The following SPATA6 variants were observed in gnomAD, a reference collection of about 807,000 sequenced individuals.
SPATA6 encodes the protein spermatogenesis associated 6.
In SPATA6, 56 loss-of-function variants were observed where a neutral mutation model predicts 65.3. The observed-to-expected ratio is 0.86, with a 90% CI of 0.69 to 1.07. The LOEUF (loss-of-function observed/expected upper bound fraction) is 1.07. Ranked by LOEUF, SPATA6 falls within the 50% of genes least tolerant of loss-of-function variation. The probability of loss-of-function intolerance (pLI) is 0.00; values close to 1 mark genes in which losing one functional copy is unlikely to be tolerated. For synonymous variants in SPATA6, 199 were observed against 213.2 expected (o/e 0.93, Z 0.58); for missense variants, 590 against 594.8 (o/e 0.99, Z 0.08).
intron 3 of SPATA6, among the ~76,000 whole-genome samples, chr1:48,442,443 C>T (rs936604028): frequency 2.0e-5 from 3 of 151,386 alleles, no homozygotes; most frequent in East Asian, 1.9e-4. Context: ...CTTACACTGC[C>T]GAAGCCATCA....
intron 1 of SPATA6, among the ~76,000 whole-genome samples, chr1:48,468,420 A>G (rs1657972989): frequency 6.6e-6 from 1 of 152,242 alleles, no homozygotes; most frequent in Non-Finnish European, 1.5e-5. Flanking sequence ...ATACTACAAT[A>G]TATTTATCCA....
chr1:48,264,240 G>T, the SPATA6 span, among the ~76,000 whole-genome samples: 1 of 152,088 alleles, frequency 6.6e-6, no homozygotes, highest in African/African-American at 2.4e-5. Context: ...AAATATTTTT[G>T]GGGGAAGAAG....
At chr1:48,417,441 T>A (rs1652879581) in intron 3 of SPATA6, among the ~76,000 whole-genome samples, 2 of 152,120 alleles carry the variant, frequency 1.3e-5, no homozygotes, top group Non-Finnish European at 2.9e-5. Flanking sequence ...GAGAAATATA[T>A]ATATTTGAGA....
At chr1:48,336,946 G>A (rs1410596434) in intron 11 of SPATA6, among the ~76,000 whole-genome samples, 1 of 151,836 alleles carries the variant, frequency 6.6e-6, no homozygotes, top group East Asian at 1.9e-4. Context: ...ATCCATTACT[G>A]AAAACTATCC....
At chr1:48,442,783 A>T (rs772449262) in intron 3 of SPATA6, among the ~76,000 whole-genome samples, 3 of 151,392 alleles carry the variant, frequency 2.0e-5, no homozygotes, top group Non-Finnish European at 4.4e-5. Flanking sequence ...GGGTAAATTT[A>T]AAACCTATAA....
At chr1:48,346,810 T>C (rs1012286006) in intron 11 of SPATA6, among the ~76,000 whole-genome samples, 6 of 151,834 alleles carry the variant, frequency 4.0e-5, no homozygotes, top group South Asian at 4.2e-4. Context: ...CTCAGAGAAA[T>C]AGGAAAAGAC....
At chr1:48,370,306 A>AG (rs1443723448) in intron 9 of SPATA6, among the ~76,000 whole-genome samples, 1 of 152,228 alleles carries the variant, frequency 6.6e-6, no homozygotes, top group African/African-American at 2.4e-5. Flanking sequence ...GTAGTTGAGA[A>AG]TAAGGACCAT....
intron 9 of SPATA6, among the ~76,000 whole-genome samples, chr1:48,374,728 T>C (rs1367631035): frequency 3.3e-5 from 5 of 152,154 alleles, no homozygotes. Flanking sequence ...CTTATCAAAA[T>C]AGTGTTTACT....
chr1:48,404,671 CA>C (rs1570465933), intron 5 of SPATA6, among the ~76,000 whole-genome samples: 1 of 151,966 alleles, frequency 6.6e-6, no homozygotes, highest in East Asian at 1.9e-4. Context: ...AAAAACAAAA[CA>C]AAAAACCCAG....
intron 11 of SPATA6, among the ~76,000 whole-genome samples, chr1:48,334,572 T>C (rs938931093): frequency 6.6e-6 from 1 of 152,096 alleles, no homozygotes; most frequent in Non-Finnish European, 1.5e-5. Context: ...AGGCTTTTGA[T>C]AAAATTCAAC....
At chr1:48,381,619 A>G (rs1648595175) in intron 9 of SPATA6, among the ~76,000 whole-genome samples, 2 of 150,024 alleles carry the variant, frequency 1.3e-5, no homozygotes, top group Admixed American at 1.3e-4. Context: ...TACATAAACA[A>G]TGATATTTTA....
intron 11 of SPATA6, chr1:48,325,478 A>G (rs1369599039): frequency 8.4e-7 from 1 of 1,191,052 alleles, no homozygotes; most frequent in South Asian, 1.2e-5. Context: ...AAACTGAGGG[A>G]TCCACATTCT....
intron 11 of SPATA6, chr1:48,325,743 C>G (rs771906505): frequency 4.7e-5 from 24 of 512,192 alleles, no homozygotes; most frequent in African/African-American, 7.8e-5. Flanking sequence ...CCAAGTATCT[C>G]GCGCAAGGTG....
At chr1:48,469,059 C>T (rs1477319436) in intron 1 of SPATA6, among the ~76,000 whole-genome samples, 3 of 152,184 alleles carry the variant, frequency 2.0e-5, no homozygotes, top group African/African-American at 7.2e-5. Flanking sequence ...CTTCAAACTC[C>T]TGGGCTCAGG....
At chr1:48,442,458 A>G (rs1655585957) in intron 3 of SPATA6, among the ~76,000 whole-genome samples, 2 of 152,070 alleles carry the variant, frequency 1.3e-5, no homozygotes, top group Non-Finnish European at 2.9e-5. Context: ...CCATCAAAAA[A>G]GGGAAGGAGA....
chr1:48,452,986 G>C lies in SPATA6; in HGVS notation c.189+8C>G. 6.2e-7 allele frequency: 1 copy of C among 1,609,998 alleles called. No individual in the cohort carries two copies. Among genetic ancestry groups the C allele is most frequent in the South Asian group, 1.1e-5 (1 of 89,784 alleles). ...TTTGTTAATACTTGATCTGATATTTGAACTCACCTTTTCAAACACCATTCT... is the reference window on the plus strand; with the variant it reads ...TTTGTTAATACTTGATCTGATATTTCAACTCACCTTTTCAAACACCATTCT... On this transcript the variant is annotated splice_region_variant and intron_variant, in intron 2 of 12. Transcript: ENST00000371847.
At chr1:48,375,276 CCAGGGAG>C (rs1254970869) in intron 9 of SPATA6, among the ~76,000 whole-genome samples, 3 of 149,762 alleles carry the variant, frequency 2.0e-5, no homozygotes, top group African/African-American at 7.5e-5. Flanking sequence ...AATTTGTATG[CCAGGGAG>C]AAATCTGTCT....
At chr1:48,353,384 C>A (rs532619440) in intron 11 of SPATA6, among the ~76,000 whole-genome samples, 3 of 148,674 alleles carry the variant, frequency 2.0e-5, no homozygotes, top group East Asian at 2.0e-4. Context: ...TTTGATTAAC[C>A]CAAACAAAAG....
At chr1:48,405,098 A>G (rs1167475478) in intron 5 of SPATA6, among the ~76,000 whole-genome samples, 1 of 152,220 alleles carries the variant, frequency 6.6e-6, no homozygotes, top group African/African-American at 2.4e-5. Context: ...ATTAAAGAAA[A>G]GGTAAATCGG....
Sources: allele counts gnomAD v4.1 joint callset (sites outside exome capture counted in the v4.1 genomes callset), GRCh38; gene constraint gnomAD v4.1.1; transcripts MANE v1.5; gene names NCBI Gene and HGNC (gene_info 2026-07-23, HGNC 2026-07-21).